ATP2B2: variants seen among roughly 807,000 people sequenced by gnomAD.
ATP2B2 encodes ATPase plasma membrane Ca2+ transporting 2.
In ATP2B2, 15 loss-of-function variants were observed where a neutral mutation model predicts 120.0. That is an observed-to-expected ratio of 0.12 (90% CI 0.08 to 0.19). The LOEUF (loss-of-function observed/expected upper bound fraction) is 0.19. ATP2B2 is among the 10% of genes least tolerant of loss of function. The pLI is 1.00. For synonymous variants in ATP2B2, 694 were observed against 700.3 expected, an observed-to-expected ratio of 0.99 and a Z score of 0.14; for missense variants, 1,045 against 1,719.8, an observed-to-expected ratio of 0.61 and a Z score of 6.94.
rs536833995 is a variant in ATP2B2, at chr3:10,516,257, A to G, written c.-320+17782T>C. ...CCCTGCTGCAGGCTGCCCTGGCCCC[A>G]GCCCCTGGGCCTCTGTCGGCTCTCA... On this transcript the variant is annotated intron_variant, in intron 3 of 21. Coordinates refer to the ATP2B2 transcript ENST00000646379. Among the ~76,000 whole-genome samples, 4 of 152,270 alleles carry G rather than the reference A, an allele frequency of 2.6e-5. No homozygotes were observed. The East Asian group carries it at 7.7e-4, about 29-fold the overall frequency.
At position 10,350,498 on chromosome 3, in the gene ATP2B2, C is replaced by T. The variant is rs778544762; in HGVS notation, c.2216G>A (p.Arg739Gln). 6.2e-7 allele frequency: 1 copy of T among 1,613,976 alleles called. No homozygotes were observed. The highest frequency in any genetic ancestry group is 8.5e-7 in the Non-Finnish European group (1 of 1,180,014). ...GATGCCACACTTGATGGCGATGGCC[C>T]GAGCCGTGTTGATATTGTCGCCAGT... ...MVTGDNINTA[R>Q]AIAIKCGIIH... Residue 739 changes from arginine (R) to glutamine (Q), a missense_variant, in exon 15 of 23, where the codon CGG becomes CAG. Coordinates refer to ENST00000360273, the MANE Select transcript of ATP2B2 (RefSeq NM_001001331.4).
rs552073553 is a variant in ATP2B2 at position 10,523,102 on chromosome 3, G to C, written c.-320+10937C>G. ...TCTTGAGCCACTGCTTGTGCAAACA[G>C]GTGGGCTGGCAGCTGCTGACAGTGA... On this transcript the variant is annotated intron_variant, in intron 3 of 21. Transcript: ENST00000646379. Among the ~76,000 whole-genome samples, 53 of 152,338 alleles carry C rather than the reference G, an allele frequency of 3.5e-4. 1 individual carries two copies. Among genetic ancestry groups the C allele is most frequent in the African/African-American group, 1.2e-3 (49 of 41,584 alleles).
intron 2 of ATP2B2, among the ~76,000 whole-genome samples, chr3:10,417,908 G>C (rs142676996): frequency 1.3e-5 from 2 of 152,306 alleles, no homozygotes; most frequent in African/African-American, 4.8e-5. Flanking sequence ...CAGAAGAGGG[G>C]TCAGATGGTC....
At chr3:10,698,788 C>T (rs577844838) in intron 1 of ATP2B2, among the ~76,000 whole-genome samples, 14 of 152,316 alleles carry the variant, frequency 9.2e-5, no homozygotes, top group African/African-American at 3.1e-4. Flanking sequence ...TTGAGGACAA[C>T]GGCTCCTTTT....
intron 2 of ATP2B2, among the ~76,000 whole-genome samples, chr3:10,560,097 A>G (rs2067869523): frequency 6.6e-6 from 1 of 152,194 alleles, no homozygotes; most frequent in Non-Finnish European, 1.5e-5. Context: ...AGGCAATTAA[A>G]TTTTCACAAA....
intron 1 of ATP2B2, among the ~76,000 whole-genome samples, chr3:10,472,772 G>T (rs867736948): frequency 2.6e-5 from 4 of 152,182 alleles, no homozygotes; most frequent in Non-Finnish European, 4.4e-5. Context: ...CAGGTTCCCC[G>T]GGTATCCCCA....
chr3:10,356,919 G>A (rs2125438517), intron 14 of ATP2B2, among the ~76,000 whole-genome samples: 1 of 152,036 alleles, frequency 6.6e-6, no homozygotes, highest in Non-Finnish European at 1.5e-5. Context: ...ATCTTGATAG[G>A]AGTGAGGAAG....
At chr3:10,410,942 A>G (rs56329657) in intron 2 of ATP2B2, 127 bp from the exon 3 acceptor site, 5 of 1,145,614 alleles carry the variant, frequency 4.4e-6, no homozygotes, top group Admixed American at 1.8e-5. Context: ...GGAGCCCAAC[A>G]TCTCTTCATG....
At chr3:10,664,420 A>C (rs1479163926) in intron 1 of ATP2B2, among the ~76,000 whole-genome samples, 3 of 152,094 alleles carry the variant, frequency 2.0e-5, no homozygotes, top group Middle Eastern at 6.8e-3. Context: ...CTGGCCCCCA[A>C]CTCCAGGGCA....
intron 2 of ATP2B2, among the ~76,000 whole-genome samples, chr3:10,581,555 A>G (rs781178451): frequency 6.6e-6 from 1 of 152,232 alleles, no homozygotes; most frequent in Non-Finnish European, 1.5e-5. Context: ...ACAGGGTCCC[A>G]AGAGGCTGCC....
At position 10,378,367 on chromosome 3, in the gene ATP2B2, G is replaced by A; in HGVS notation, c.1086C>T (p.Leu362=). ...CAGCGTCGCCGCCCTCGGCACTCTT[G>A]AGGGGCTGCATCTCCATGGCGGCTG... ...DGAAAMEMQP[L]KSAEGGDADD... is the part of the protein sequence containing the mutation. Residue 362 remains leucine, a synonymous_variant, in exon 10 of 23, where the codon CTC becomes CTT. Transcript: ENST00000360273. 2 of 1,605,480 alleles carry A rather than the reference G, an allele frequency of 1.2e-6. No individual in the cohort carries two copies. The highest frequency in any genetic ancestry group is 8.5e-7 in the Non-Finnish European group (1 of 1,179,998).
intron 6 of ATP2B2, 103 bp from the exon 7 acceptor site, chr3:10,386,615 G>T: frequency 7.8e-7 from 1 of 1,277,522 alleles, no homozygotes; most frequent in South Asian, 1.2e-5. Flanking sequence ...ATACACACAT[G>T]GCCATACACC....
rs568577910 is a variant in ATP2B2, at chr3:10,528,247, G to A, written c.-320+5792C>T. Among the ~76,000 whole-genome samples the A allele has an allele frequency of 6.6e-5, 10 of 152,210 alleles. 1 individual carries two copies. The South Asian group carries it at 2.1e-3, about 32-fold the overall frequency. Reference sequence around the variant, plus strand: ...GCCCTGGGAACGTGGGGAAAGGGTGGCTACGACGCGTGCATCTGGCCCAAC... The same window carrying A: ...GCCCTGGGAACGTGGGGAAAGGGTGACTACGACGCGTGCATCTGGCCCAAC... On this transcript the variant is annotated intron_variant, in intron 3 of 21. Coordinates refer to the ATP2B2 transcript ENST00000646379.
At position 10,378,109 on chromosome 3, in the gene ATP2B2, C is replaced by T. The variant is rs890540993; in HGVS notation, c.1201+143G>A. The T allele has an allele frequency of 7.0e-6, 8 of 1,142,928 alleles. No individual in the cohort carries two copies. In the East Asian group the frequency reaches 7.7e-5, roughly 11 times the overall value. The allele number at this position is 1,142,928 out of a possible 1,614,324, so 70.8% of individuals were successfully genotyped here. A position where few individuals can be genotyped will look rare whatever the true frequency, so the allele number is the denominator to read the frequency against. On this transcript the variant is annotated intron_variant, in intron 10 of 22. Transcript: ENST00000360273. ...CTGTACACAGGACTCAGACTGGGTG[C>T]TGTGGTAGAGAAAGGTGGGCTTCAG...
chr3:10,507,699 C>T (rs2066673804), upstream of ATP2B2, among the ~76,000 whole-genome samples: 1 of 152,212 alleles, frequency 6.6e-6, no homozygotes. Context: ...ATCACACTGC[C>T]TTCTGTGTCC....
rs151068945 is a variant in ATP2B2, at chr3:10,446,441, G to A, written c.199+2904C>T. Among the ~76,000 whole-genome samples, 483 of 152,286 alleles carry A rather than the reference G, an allele frequency of 3.2e-3. 4 individuals carry two copies. In the Middle Eastern group the frequency reaches 0.037, roughly 12 times the overall value. ...ACCCGTGTGTCAGGGACTGTTCTAAGCTACTTCATTTTGTCCTCCCCCAGC... is the reference window on the plus strand; with the variant it reads ...ACCCGTGTGTCAGGGACTGTTCTAAACTACTTCATTTTGTCCTCCCCCAGC... On this transcript the variant is annotated intron_variant, in intron 2 of 22. Coordinates refer to ENST00000360273, the MANE Select transcript of ATP2B2 (RefSeq NM_001001331.4).
chr3:10,639,255 G>A (rs2070106725), intron 1 of ATP2B2, among the ~76,000 whole-genome samples: 1 of 152,226 alleles, frequency 6.6e-6, no homozygotes, highest in Non-Finnish European at 1.5e-5. Context: ...TGGCTCCAAT[G>A]AGGGACTTTA....
chr3:10,675,421 G>C (rs1472697165), intron 1 of ATP2B2, among the ~76,000 whole-genome samples: 1 of 152,114 alleles, frequency 6.6e-6, no homozygotes, highest in African/African-American at 2.4e-5. Flanking sequence ...GTATATCTGT[G>C]GTTCATACAA....
At chr3:10,349,927 C>T (rs1192077780) in intron 16 of ATP2B2, among the ~76,000 whole-genome samples, 185 bp downstream of exon 16, 1 of 152,122 alleles carries the variant, frequency 6.6e-6, no homozygotes, top group Non-Finnish European at 1.5e-5. Context: ...AGCCCCATCT[C>T]CTTCTGGCCC....
Sources: gnomAD v4.1 joint callset for allele counts (sites outside exome capture counted in the v4.1 genomes callset) on GRCh38, gnomAD v4.1.1 for gene constraint, MANE v1.5 for transcripts, NCBI Gene and HGNC (gene_info 2026-07-23, HGNC 2026-07-21) for gene names.